RASGRP1: variants seen among roughly 807,000 people sequenced by gnomAD.
The protein encoded by RASGRP1 is RAS guanyl-releasing protein 1.
Under a neutral mutation model 95.1 loss-of-function variants are expected in RASGRP1, and 37 were observed. The observed-to-expected ratio is 0.39, with a 90% confidence interval of 0.30 to 0.51. The LOEUF (loss-of-function observed/expected upper bound fraction) is 0.51, where lower values mean the gene tolerates loss of function less well. Ranked by LOEUF, RASGRP1 falls within the 20% of genes least tolerant of loss-of-function variation. RASGRP1 has a pLI of 0.80. For missense variants in RASGRP1, 711 were observed against 965.4 expected (o/e 0.74, Z 3.49); for synonymous variants, 325 against 353.4 (o/e 0.92, Z 0.90).
In RASGRP1 at chr15:38,557,894, GT is replaced by G. The variant is rs556641487; in HGVS notation, c.220+1926del. Reference sequence around the variant, plus strand: ...TATTGTCGTTGCCTTTGGAAGGTCTGTTAAGGGGATTGAATTAGGCTTGGTT... The same window carrying G: ...TATTGTCGTTGCCTTTGGAAGGTCTGTAAGGGGATTGAATTAGGCTTGGTT... On this transcript the variant is annotated intron_variant, in intron 2 of 16. Coordinates refer to ENST00000310803, the MANE Select transcript of RASGRP1 (RefSeq NM_005739.4). 3.3e-5 allele frequency among the ~76,000 whole-genome samples: 5 copies of G among 152,290 alleles called. No homozygotes were observed. The East Asian group carries it at 9.6e-4, about 29-fold the overall frequency.
At chr15:38,502,192 G>A in intron 12 of RASGRP1, 120 bp downstream of exon 12, 1 of 714,014 alleles carries the variant, frequency 1.4e-6, no homozygotes, top group Admixed American at 2.7e-5. Context: ...TTCATGGTCT[G>A]TTCTTTAAGT....
intron 8 of RASGRP1, among the ~76,000 whole-genome samples, chr15:38,508,484 G>A (rs942589846): frequency 6.6e-6 from 1 of 152,192 alleles, no homozygotes; most frequent in African/African-American, 2.4e-5. Context: ...ATGGGGAAGA[G>A]CATGTATTTT....
At chr15:38,505,382 A>C (rs1891210487) in intron 10 of RASGRP1, among the ~76,000 whole-genome samples, 1 of 152,172 alleles carries the variant, frequency 6.6e-6, no homozygotes, top group South Asian at 2.1e-4. Context: ...CTATCTACCA[A>C]CCTGGAAATC....
chr15:38,507,008 A>C (rs1044526211), intron 9 of RASGRP1, among the ~76,000 whole-genome samples: 6 of 152,232 alleles, frequency 3.9e-5, no homozygotes, highest in African/African-American at 1.2e-4. Context: ...TGAGGCAGAA[A>C]GAGGTTATGA....
chr15:38,559,648 C>T (rs1262084635), intron 2 of RASGRP1, among the ~76,000 whole-genome samples, 173 bp downstream of exon 2: 2 of 152,238 alleles, frequency 1.3e-5, no homozygotes, highest in Admixed American at 6.5e-5. Context: ...CGACCTATTA[C>T]ACCCACATAG....
intron 16 of RASGRP1, among the ~76,000 whole-genome samples, chr15:38,493,750 A>G (rs1396359851): frequency 6.6e-6 from 1 of 152,176 alleles, no homozygotes; most frequent in Non-Finnish European, 1.5e-5. Context: ...AAAGATCAGC[A>G]TATTCCCTGA....
chr15:38,536,712 T>C (rs908367008), intron 2 of RASGRP1, among the ~76,000 whole-genome samples: 6 of 152,236 alleles, frequency 3.9e-5, no homozygotes, highest in Non-Finnish European at 8.8e-5. Flanking sequence ...TATGCTGACA[T>C]AAAATAGAAA....
chr15:38,498,106 A>G (rs1361504773), intron 15 of RASGRP1, among the ~76,000 whole-genome samples: 1 of 152,190 alleles, frequency 6.6e-6, no homozygotes, highest in South Asian at 2.1e-4. Flanking sequence ...GTCTGTGGCT[A>G]AGTCTGCTTC....
At chr15:38,532,969 GT>G (rs1892505493) in intron 2 of RASGRP1, among the ~76,000 whole-genome samples, 2 of 152,078 alleles carry the variant, frequency 1.3e-5, no homozygotes, top group African/African-American at 4.8e-5. Context: ...CTTTCCTACA[GT>G]GAAGGCTTGT....
chr15:38,515,967 G>A (rs28597773), intron 6 of RASGRP1, among the ~76,000 whole-genome samples: 1 of 151,400 alleles, frequency 6.6e-6, no homozygotes, highest in East Asian at 1.9e-4. Context: ...GTGAGTGGTG[G>A]GATGGTATGG....
rs1217660366 is a variant in RASGRP1 at position 38,488,192 on chromosome 15, GT to G, written c.*2361del. The G allele has an allele frequency of 6.6e-6, 1 of 151,888 alleles. No individual in the cohort carries two copies. The highest frequency in any genetic ancestry group is 1.5e-5 in the Non-Finnish European group (1 of 67,872). The allele number at this position is 151,888 out of a possible 1,614,324, so 9.4% of individuals were successfully genotyped here. On this transcript the variant is annotated 3_prime_UTR_variant, in exon 17 of 17. Coordinates refer to ENST00000310803, the MANE Select transcript of RASGRP1 (RefSeq NM_005739.4). ...AAAAAACTTTACAATCTGTACATTT[GT>G]TTTTTTCTTGCATTTCTATATTATA... is the stretch of plus-strand genomic sequence containing the variant.
chr15:38,512,804 G>T lies in RASGRP1; in HGVS notation c.828C>A (p.Ile276=). The change falls in exon 7 of 17, where the codon ATC becomes ATA. Residue 276 remains isoleucine (I), a synonymous_variant. Transcript: ENST00000310803. ...PTPQLRAEVF[I]KFIQVAQKLH... is the part of the protein sequence containing the mutation. ...TCACCTGAGCCACCTGGATGAACTT[G>T]ATGAAGACTTCTGCTCGGAGCTGCG... 1 of 1,613,738 alleles carries T rather than the reference G, an allele frequency of 6.2e-7. No individual in the cohort carries two copies. Among genetic ancestry groups the T allele is most frequent in the Non-Finnish European group, 8.5e-7 (1 of 1,179,732 alleles).
chr15:38,491,857 G>C (rs1446990289), intron 16 of RASGRP1, among the ~76,000 whole-genome samples: 1 of 152,156 alleles, frequency 6.6e-6, no homozygotes, highest in Non-Finnish European at 1.5e-5. Context: ...TGCTGAGTAG[G>C]AATTCTAATC....
At chr15:38,491,055 G>A (rs1346405874) in intron 16 of RASGRP1, among the ~76,000 whole-genome samples, 4 of 152,178 alleles carry the variant, frequency 2.6e-5, no homozygotes, top group African/African-American at 9.7e-5. Flanking sequence ...TGAGAATTCT[G>A]TAATGCAAGG....
At chr15:38,504,695 A>T (rs1891184992) in intron 10 of RASGRP1, 1 of 152,238 alleles carries the variant, frequency 6.6e-6, no homozygotes, top group Non-Finnish European at 1.5e-5. Context: ...AAGTGCATAA[A>T]CCGGTAATAC....
chr15:38,501,181 A>G lies in RASGRP1; in HGVS notation c.1645T>C (p.Tyr549His). ...GFPHNFQETT[Y>H]LKPTFCDNCA... is the part of the protein sequence containing the mutation. ...TTGTCACAAAAAGTGGGCTTCAGGT[A>G]GGTGGTCTCTTGGAAGTTGTGAGGA... Residue 549 changes from tyrosine (Y) to histidine (H), a missense_variant, in exon 13 of 17, where the codon TAC (tyrosine) becomes CAC (histidine). This residue lies in a region of RASGRP1 where 491 missense variants were observed against 676.6 expected (regional missense o/e 0.73). Coordinates refer to ENST00000310803, the MANE Select transcript of RASGRP1 (RefSeq NM_005739.4). 6.2e-7 allele frequency: 1 copy of G among 1,612,384 alleles called. No homozygotes were observed. Among genetic ancestry groups the G allele is most frequent in the Non-Finnish European group, 8.5e-7 (1 of 1,179,086 alleles).
chr15:38,542,937 GTATATATATAT>G (rs1201466711), intron 2 of RASGRP1, among the ~76,000 whole-genome samples: 1 of 124,654 alleles, frequency 8.0e-6, no homozygotes, highest in African/African-American at 3.1e-5. Flanking sequence ...ATATGTGTGT[GTATATATATAT>G]ATACACACAT....
chr15:38,525,413 C>T (rs11073332), intron 3 of RASGRP1, among the ~76,000 whole-genome samples: 90,695 of 151,970 alleles, frequency 0.6, 28,162 homozygotes, highest in Non-Finnish European at 0.69. Context: ...AAATTCTCTG[C>T]AGAAGAGGCA....
At chr15:38,521,022 C>G (rs942557699) in intron 3 of RASGRP1, among the ~76,000 whole-genome samples, 1 of 152,142 alleles carries the variant, frequency 6.6e-6, no homozygotes, top group African/African-American at 2.4e-5. Context: ...AAAAACCCTA[C>G]ACATCAACAA....
Sources: allele counts gnomAD v4.1 joint callset (sites outside exome capture counted in the v4.1 genomes callset), GRCh38; gene constraint gnomAD v4.1.1; regional missense constraint gnomAD v4.1.1; transcripts MANE v1.5; gene names NCBI Gene and HGNC (gene_info 2026-07-23, HGNC 2026-07-21).